NRXN3: variants seen among roughly 807,000 people sequenced by gnomAD.
The protein encoded by NRXN3 is neurexin 3.
In NRXN3, 32 loss-of-function variants were observed where a neutral mutation model predicts 137.6. That is an observed-to-expected ratio of 0.23 (90% CI 0.18 to 0.31). The LOEUF (loss-of-function observed/expected upper bound fraction) is 0.31, where lower values mean the gene tolerates loss of function less well. NRXN3 is among the 10% of genes least tolerant of loss of function. NRXN3 has a pLI of 1.00. For missense variants in NRXN3, 1,574 were observed against 2,062.5 expected, an observed-to-expected ratio of 0.76 and a Z score of 4.59; for synonymous variants, 798 against 784.5, an observed-to-expected ratio of 1.02 and a Z score of -0.29.
intron 8 of NRXN3, among the ~76,000 whole-genome samples, chr14:78,733,891 C>T (rs2098528602): frequency 6.6e-6 from 1 of 151,992 alleles, no homozygotes; most frequent in Admixed American, 6.6e-5. Context: ...TCAAGGTCAC[C>T]CTAAGAATAA....
At chr14:79,653,175 T>C (rs2098485413) in intron 16 of NRXN3, among the ~76,000 whole-genome samples, 2 of 152,132 alleles carry the variant, frequency 1.3e-5, no homozygotes, top group South Asian at 4.1e-4. Flanking sequence ...CATCCCAAGA[T>C]GATGACACAG....
At chr14:78,727,132 A>G (rs914114986) in intron 8 of NRXN3, among the ~76,000 whole-genome samples, 1 of 152,152 alleles carries the variant, frequency 6.6e-6, no homozygotes, top group Admixed American at 6.5e-5. Flanking sequence ...AAACATCACT[A>G]GTTTCATTAA....
At chr14:78,564,629 C>T in intron 4 of NRXN3, among the ~76,000 whole-genome samples, 1 of 152,188 alleles carries the variant, frequency 6.6e-6, no homozygotes, top group South Asian at 2.1e-4. Flanking sequence ...GGAATCAAGT[C>T]CTTGGCCTGG....
chr14:78,671,199 A>G (rs1481713022), intron 6 of NRXN3, among the ~76,000 whole-genome samples: 1 of 152,222 alleles, frequency 6.6e-6, no homozygotes, highest in Non-Finnish European at 1.5e-5. Context: ...AGCAGAGGTC[A>G]GTGCCAAAGA....
intron 15 of NRXN3, among the ~76,000 whole-genome samples, chr14:79,025,243 C>A (rs1252704357): frequency 6.6e-6 from 1 of 152,032 alleles, no homozygotes; most frequent in Non-Finnish European, 1.5e-5. Flanking sequence ...CTCCAGACTC[C>A]AAATACCTTC....
chr14:78,667,970 G>A (rs2097902429), intron 6 of NRXN3, among the ~76,000 whole-genome samples: 1 of 152,124 alleles, frequency 6.6e-6, no homozygotes, highest in Non-Finnish European at 1.5e-5. Context: ...ATATTTGGTA[G>A]AGACGGGATT....
intron 20 of NRXN3, among the ~76,000 whole-genome samples, chr14:79,860,553 A>G (rs1406445280): frequency 6.6e-6 from 1 of 152,226 alleles, no homozygotes; most frequent in Non-Finnish European, 1.5e-5. Context: ...ATGTTTCTTG[A>G]TCTTGGTCTC....
chr14:78,441,962 G>T (rs996155954), intron 4 of NRXN3, among the ~76,000 whole-genome samples: 1 of 152,046 alleles, frequency 6.6e-6, no homozygotes, highest in Admixed American at 6.6e-5. Flanking sequence ...CAGGCGTGGT[G>T]GCGGGGACCT....
chr14:79,086,950 T>G (rs1013399609), intron 15 of NRXN3, among the ~76,000 whole-genome samples: 6 of 152,262 alleles, frequency 3.9e-5, no homozygotes, highest in Middle Eastern at 6.8e-3. Flanking sequence ...CTGTAAGAGC[T>G]CAGGTGATTA....
rs71103816 is a variant in NRXN3 at position 79,740,707 on chromosome 14, G to GTT, written c.4014+42775_4014+42776dup. 3.4e-3 allele frequency among the ~76,000 whole-genome samples: 160 copies of GTT among 47,708 alleles called. 2 individuals are homozygous for GTT. The highest frequency in any genetic ancestry group is 4.7e-3 in the East Asian group (5 of 1,066). The allele number at this position is 47,708 out of a possible 152,430, so 31.3% of individuals were successfully genotyped here. A position where few individuals can be genotyped will look rare whatever the true frequency, so the allele number is the denominator to read the frequency against. On this transcript the variant is annotated intron_variant, in intron 19 of 20. Transcript: ENST00000335750. ...GCCTTTCCACTGGACTTTGCATTTA[G>GTT]TTTTTTATATATATATATATATATA...
At chr14:79,389,109 G>T (rs2094750987) in intron 15 of NRXN3, among the ~76,000 whole-genome samples, 1 of 152,134 alleles carries the variant, frequency 6.6e-6, no homozygotes, top group African/African-American at 2.4e-5. Context: ...CTAATGCAGG[G>T]GGTTATTTCA....
chr14:79,124,784 T>G (rs1033461622), intron 15 of NRXN3, among the ~76,000 whole-genome samples: 3 of 152,214 alleles, frequency 2.0e-5, no homozygotes, highest in Non-Finnish European at 4.4e-5. Flanking sequence ...TGCAGGGTAT[T>G]AATCAATGTA....
At chr14:78,995,945 A>G (rs2099529134) in intron 15 of NRXN3, among the ~76,000 whole-genome samples, 1 of 152,126 alleles carries the variant, frequency 6.6e-6, no homozygotes, top group Non-Finnish European at 1.5e-5. Context: ...CTGAACAAAA[A>G]TCTACAGGTT....
chr14:79,476,988 G>A (rs1005608053), intron 16 of NRXN3, among the ~76,000 whole-genome samples: 8 of 152,220 alleles, frequency 5.3e-5, no homozygotes, highest in Non-Finnish European at 1.0e-4. Flanking sequence ...ACTTGGGATT[G>A]TTGGAGATGT....
chr14:78,866,042 A>G (rs1469715187), intron 10 of NRXN3, among the ~76,000 whole-genome samples: 1 of 152,220 alleles, frequency 6.6e-6, no homozygotes, highest in Admixed American at 6.5e-5. Flanking sequence ...TAAGTTACCA[A>G]AAGACTGAAA....
intron 19 of NRXN3, among the ~76,000 whole-genome samples, chr14:79,787,814 A>G (rs2099133866): frequency 6.6e-6 from 1 of 152,168 alleles, no homozygotes. Flanking sequence ...CCATTAATGG[A>G]AAACCTTCAT....
At chr14:79,401,555 G>A (rs560006132) in intron 15 of NRXN3, among the ~76,000 whole-genome samples, 22 of 152,154 alleles carry the variant, frequency 1.4e-4, no homozygotes, top group Non-Finnish European at 2.8e-4. Flanking sequence ...CTTTCTTGAA[G>A]AATAGCGTCT....
intron 15 of NRXN3, among the ~76,000 whole-genome samples, chr14:78,989,700 T>A (rs995440014): frequency 1.3e-5 from 2 of 152,214 alleles, no homozygotes; most frequent in African/African-American, 4.8e-5. Context: ...TTCCTCCAAT[T>A]TGTCAGTATA....
At chr14:78,368,257 A>T (rs188877898) in intron 4 of NRXN3, among the ~76,000 whole-genome samples, 160 of 152,354 alleles carry the variant, frequency 1.1e-3, no homozygotes, top group African/African-American at 3.6e-3. Context: ...TTTAAAAACA[A>T]TGTAGAAAGT....
Sources: allele counts gnomAD v4.1 joint callset (sites outside exome capture counted in the v4.1 genomes callset), GRCh38; gene constraint gnomAD v4.1.1; transcripts MANE v1.5; gene names NCBI Gene and HGNC (gene_info 2026-07-23, HGNC 2026-07-21).